NRXN1: variants seen among roughly 807,000 people sequenced by gnomAD.
The protein encoded by NRXN1 is neurexin-1.
NRXN1 carries 39 observed loss-of-function variants against 150.9 expected under a neutral mutation model. The observed-to-expected ratio is 0.26, with a 90% confidence interval of 0.20 to 0.34. The LOEUF (loss-of-function observed/expected upper bound fraction) is 0.34. NRXN1 is among the 10% of genes least tolerant of loss of function. NRXN1 has a pLI of 1.00. For missense variants in NRXN1, 1,815 were observed against 1,949.9 expected, an observed-to-expected ratio of 0.93 and a Z score of 1.30; for synonymous variants, 924 against 757.0, an observed-to-expected ratio of 1.22 and a Z score of -3.62.
At chr2:50,991,420 G>C (rs1698525353) in intron 2 of NRXN1, among the ~76,000 whole-genome samples, 1 of 151,956 alleles carries the variant, frequency 6.6e-6, no homozygotes, top group Admixed American at 6.6e-5. Flanking sequence ...ATGGAGAGCT[G>C]GTTTTAGCAA....
intron 19 of NRXN1, among the ~76,000 whole-genome samples, chr2:50,083,584 A>C (rs1698297467): frequency 6.6e-6 from 1 of 152,108 alleles, no homozygotes; most frequent in Non-Finnish European, 1.5e-5. Context: ...CTTCCACAAC[A>C]CGCAAGAGGA....
chr2:50,830,412 G>T (rs1056948784), intron 5 of NRXN1, among the ~76,000 whole-genome samples: 15 of 151,574 alleles, frequency 9.9e-5, no homozygotes, highest in African/African-American at 3.6e-4. Context: ...GTCACACACG[G>T]TAGTTTTATT....
chr2:50,257,284 G>C (rs942632081), intron 17 of NRXN1, among the ~76,000 whole-genome samples: 2 of 151,926 alleles, frequency 1.3e-5, no homozygotes, highest in East Asian at 1.9e-4. Context: ...TTCTATGGGA[G>C]GTCACATGTA....
chr2:50,067,666 T>C (rs1558806051), intron 19 of NRXN1, among the ~76,000 whole-genome samples: 1 of 152,284 alleles, frequency 6.6e-6, no homozygotes, highest in East Asian at 1.9e-4. Context: ...AGAAGAATGG[T>C]TTAACAGCTA....
At chr2:50,829,601 C>G (rs1175907439) in intron 5 of NRXN1, 1 of 1,611,840 alleles carries the variant, frequency 6.2e-7, no homozygotes, top group African/African-American at 1.3e-5. Flanking sequence ...TGCTGGAGAG[C>G]CTTGAATATT....
In NRXN1 at chr2:50,974,314, G is replaced by C. The variant is rs544987476; in HGVS notation, c.773-48359C>G. Among the ~76,000 whole-genome samples the C allele has an allele frequency of 3.4e-4, 52 of 152,204 alleles. No homozygotes were observed. In the Middle Eastern group the frequency reaches 0.01, roughly 30 times the overall value. The stretch of plus-strand genomic sequence containing the variant: ...TGGCCACAATTAACTTACATCTATA[G>C]GACAAACACCCAACAGATCTTTAGG... On this transcript the variant is annotated intron_variant, in intron 2 of 22. Transcript: ENST00000401669.
chr2:50,139,206 A>T (rs572900822), intron 18 of NRXN1, among the ~76,000 whole-genome samples: 70 of 151,994 alleles, frequency 4.6e-4, no homozygotes, highest in African/African-American at 1.6e-3. Context: ...TGTGCCAGTA[A>T]TCCCAGCTAC....
chr2:49,929,563 G>A (rs1669753660), intron 22 of NRXN1, among the ~76,000 whole-genome samples: 1 of 152,012 alleles, frequency 6.6e-6, no homozygotes, highest in African/African-American at 2.4e-5. Context: ...TTCCATATTT[G>A]TCAAAGGAAG....
Position 50,531,393 on chromosome 2 carries a change from C to T in NRXN1, c.2181G>A (p.Met727Ile). 1 of 1,612,324 alleles carries T rather than the reference C, an allele frequency of 6.2e-7. No homozygotes were observed. The highest frequency in any genetic ancestry group is 8.5e-7 in the Non-Finnish European group (1 of 1,179,206). ...GCATGACTACGGGGAGCTGAATTTT[C>T]ATAAACATGCTCCCATCATAGCTCA... ...TVLSYDGSMF[M>I]KIQLPVVMHT... Residue 727 changes from methionine to isoleucine, a missense_variant, in exon 11 of 23, where the codon ATG becomes ATA. Coordinates refer to ENST00000401669, the MANE Select transcript of NRXN1 (RefSeq NM_001330078.2).
intron 21 of NRXN1, among the ~76,000 whole-genome samples, chr2:49,972,428 A>T (rs1336348598): frequency 6.6e-6 from 1 of 152,220 alleles, no homozygotes; most frequent in Non-Finnish European, 1.5e-5. Flanking sequence ...AAATAATAGT[A>T]GATTAGTTTG....
At chr2:50,605,744 G>A (rs1355774518) in intron 8 of NRXN1, among the ~76,000 whole-genome samples, 1 of 151,724 alleles carries the variant, frequency 6.6e-6, no homozygotes, top group African/African-American at 2.4e-5. Context: ...AGTTCCTCAA[G>A]AAAATAAAAA....
chr2:50,509,217 T>C (rs543761075), intron 12 of NRXN1, among the ~76,000 whole-genome samples: 1 of 152,306 alleles, frequency 6.6e-6, no homozygotes, highest in Admixed American at 6.5e-5. Context: ...TTCAGCCTCG[T>C]AGTTATGAGA....
At chr2:50,397,854 A>G (rs1394593709) in intron 17 of NRXN1, among the ~76,000 whole-genome samples, 1 of 152,090 alleles carries the variant, frequency 6.6e-6, no homozygotes. Context: ...TTCTGTATGA[A>G]AGGTTATTTA....
intron 5 of NRXN1, among the ~76,000 whole-genome samples, chr2:50,891,969 A>G (rs1256082433): frequency 6.6e-6 from 1 of 152,138 alleles, no homozygotes; most frequent in Admixed American, 6.6e-5. Flanking sequence ...AAAACAGACA[A>G]AAATCCCTGT....
At position 49,936,484 on chromosome 2, in the gene NRXN1, T is replaced by C. The variant is rs185598672; in HGVS notation, c.4216+7220A>G. Among the ~76,000 whole-genome samples, 494 of 152,304 alleles carry C rather than the reference T, an allele frequency of 3.2e-3. 5 individuals are homozygous for C. Among genetic ancestry groups the C allele is most frequent in the South Asian group, 0.021 (103 of 4,828 alleles). ...CAGACACTCTGCCAAGCATTGTGTA[T>C]GAATCCTCTTTTTCCAATCTCATAA... On this transcript the variant is annotated intron_variant, in intron 22 of 22. Coordinates refer to ENST00000401669, the MANE Select transcript of NRXN1 (RefSeq NM_001330078.2).
chr2:49,932,951 A>G (rs1487527408), intron 22 of NRXN1, among the ~76,000 whole-genome samples: 1 of 152,190 alleles, frequency 6.6e-6, no homozygotes, highest in Non-Finnish European at 1.5e-5. Context: ...GTCTATGGCT[A>G]CTAATATTTT....
chr2:50,327,832 T>C (rs1187271547), intron 17 of NRXN1, among the ~76,000 whole-genome samples: 1 of 152,020 alleles, frequency 6.6e-6, no homozygotes, highest in Non-Finnish European at 1.5e-5. Flanking sequence ...GTATTTTTAG[T>C]AGAGACAGGG....
At chr2:50,209,485 G>C (rs1251946107) in intron 18 of NRXN1, among the ~76,000 whole-genome samples, 2 of 152,072 alleles carry the variant, frequency 1.3e-5, no homozygotes, top group Non-Finnish European at 2.9e-5. Flanking sequence ...TGAGGTTGAG[G>C]AATTAAGTAG....
chr2:50,991,622 T>C (rs933546985), intron 2 of NRXN1, among the ~76,000 whole-genome samples: 1 of 152,034 alleles, frequency 6.6e-6, no homozygotes, highest in Non-Finnish European at 1.5e-5. Flanking sequence ...AAGCACACTT[T>C]GCATTTGTCA....
Sources: allele counts gnomAD v4.1 joint callset (sites outside exome capture counted in the v4.1 genomes callset), GRCh38; gene constraint gnomAD v4.1.1; transcripts MANE v1.5; gene names NCBI Gene and HGNC (gene_info 2026-07-23, HGNC 2026-07-21).